The following CAB39 variants were observed in gnomAD, a reference collection of about 807,000 sequenced individuals.
CAB39 encodes calcium binding protein 39, also known as calcium-binding protein 39.
A neutral mutation model predicts 40.0 loss-of-function variants in CAB39; 8 were observed. The observed-to-expected ratio is 0.20, with a 90% confidence interval of 0.12 to 0.36. CAB39 has a LOEUF of 0.36. Among genes scored for constraint, CAB39 ranks in the 10% least tolerant of loss-of-function variants. The probability of loss-of-function intolerance (pLI) is 1.00; values close to 1 mark genes in which losing one functional copy is unlikely to be tolerated. For missense variants in CAB39, 270 were observed against 401.1 expected, an observed-to-expected ratio of 0.67 and a Z score of 2.79; for synonymous variants, 156 against 141.6, an observed-to-expected ratio of 1.10 and a Z score of -0.72.
chr2:230,807,851 T>A (rs1029509079), intron 5 of CAB39, among the ~76,000 whole-genome samples: 1 of 152,140 alleles, frequency 6.6e-6, no homozygotes, highest in Non-Finnish European at 1.5e-5. Context: ...TGCTTGGCAC[T>A]CTCTTCGTGA....
intron 1 of CAB39, among the ~76,000 whole-genome samples, chr2:230,749,112 G>A (rs1695040879): frequency 6.7e-6 from 1 of 150,108 alleles, no homozygotes; most frequent in African/African-American, 2.4e-5. Flanking sequence ...TTTAATGGGC[G>A]CTAATGTTTT....
intron 5 of CAB39, among the ~76,000 whole-genome samples, chr2:230,801,847 C>G (rs540953193): frequency 6.7e-6 from 1 of 149,698 alleles, no homozygotes; most frequent in Non-Finnish European, 1.5e-5. Flanking sequence ...CCACCCTGGG[C>G]GACGGAGTGG....
chr2:230,759,161 A>G (rs980259518), intron 1 of CAB39, among the ~76,000 whole-genome samples: 2 of 152,316 alleles, frequency 1.3e-5, no homozygotes, highest in East Asian at 1.9e-4. Context: ...ACATCTTGAC[A>G]ACTGTCACAT....
Position 230,793,291 on chromosome 2 carries a change from A to C in CAB39, c.358A>C (p.Ile120Leu). 1 of 1,606,476 alleles carries C rather than the reference A, an allele frequency of 6.2e-7. No homozygotes were observed. The highest frequency in any genetic ancestry group is 8.5e-7 in the Non-Finnish European group (1 of 1,173,790). The change falls in exon 4 of 9, where the codon ATC (isoleucine) becomes CTC (leucine). Residue 120 changes from isoleucine (I) to leucine (L), a missense_variant. Coordinates refer to ENST00000258418, the MANE Select transcript of CAB39 (RefSeq NM_016289.4). ...IGTRTPTVEY[I>L]CTQQNILFML... ...TACGAGAACTCCTACTGTTGAATAC[A>C]TCTGCACCCAACAGAATATTTTGTT... is the stretch of plus-strand genomic sequence containing the variant.
chr2:230,720,994 A>G (rs974392851), intron 1 of CAB39, among the ~76,000 whole-genome samples: 1 of 152,128 alleles, frequency 6.6e-6, no homozygotes, highest in African/African-American at 2.4e-5. Flanking sequence ...GTGTCTCTAG[A>G]TTGTAATTTA....
At chr2:230,771,632 G>T (rs1312918834) in intron 2 of CAB39, among the ~76,000 whole-genome samples, 1 of 152,204 alleles carries the variant, frequency 6.6e-6, no homozygotes, top group Non-Finnish European at 1.5e-5. Flanking sequence ...GAATGGAAGT[G>T]CAAAAGACCT....
Position 230,790,964 on chromosome 2 carries a change from A to T in CAB39, c.207A>T (p.Gln69His), listed in dbSNP as rs148964178. The stretch of plus-strand genomic sequence containing the variant: ...AGCCTCAGACAGAAGCAGTAGCTCA[A>T]CTTGCTCAAGAACTCTATAATAGTG... ...EKEPQTEAVA[Q>H]LAQELYNSGL... Residue 69 changes from glutamine (Q) to histidine (H), a missense_variant, in exon 3 of 9, where the codon CAA becomes CAT. Coordinates refer to ENST00000258418, the MANE Select transcript of CAB39 (RefSeq NM_016289.4). The T allele has an allele frequency of 1.2e-6, 2 of 1,613,144 alleles. No individual in the cohort carries two copies.
At chr2:230,818,123 T>C (rs75157278) in intron 8 of CAB39, 1 of 503,302 alleles carries the variant, frequency 2.0e-6, no homozygotes, top group African/African-American at 2.0e-5. Flanking sequence ...AAGAGTGTCA[T>C]TTATCTTTGG....
At chr2:230,803,593 G>A (rs1696132042) in intron 5 of CAB39, among the ~76,000 whole-genome samples, 1 of 152,280 alleles carries the variant, frequency 6.6e-6, no homozygotes, top group Non-Finnish European at 1.5e-5. Flanking sequence ...AAAATCACAA[G>A]CATTCTTATA....
intron 2 of CAB39, among the ~76,000 whole-genome samples, chr2:230,771,165 G>A (rs991141758): frequency 6.6e-6 from 1 of 152,132 alleles, no homozygotes. Flanking sequence ...ACAACTAGTA[G>A]ACTAGTAAAT....
intron 2 of CAB39, among the ~76,000 whole-genome samples, chr2:230,762,094 G>C (rs1271570310): frequency 6.6e-6 from 1 of 152,096 alleles, no homozygotes. Context: ...TTTTAGTAGA[G>C]ACGGGGTTTC....
intron 1 of CAB39, among the ~76,000 whole-genome samples, chr2:230,741,022 G>T (rs374227134): frequency 6.6e-6 from 1 of 152,150 alleles, no homozygotes. Flanking sequence ...GGGGAGTATG[G>T]GATCCAGTTT....
intron 5 of CAB39, among the ~76,000 whole-genome samples, chr2:230,802,697 G>C (rs1407293318): frequency 6.6e-6 from 1 of 152,130 alleles, no homozygotes; most frequent in Non-Finnish European, 1.5e-5. Context: ...ACCTTCCCAA[G>C]ACTAAACCAG....
chr2:230,813,241 C>A (rs375621809), intron 6 of CAB39, among the ~76,000 whole-genome samples: 1 of 152,196 alleles, frequency 6.6e-6, no homozygotes. Context: ...CCCCCAAGTG[C>A]CTGTCATTTC....
chr2:230,796,703 A>G (rs1478941491), intron 4 of CAB39, among the ~76,000 whole-genome samples: 1 of 152,030 alleles, frequency 6.6e-6, no homozygotes, highest in African/African-American at 2.4e-5. Context: ...CTAGATAACA[A>G]ATGAGTACTA....
At chr2:230,746,261 G>C (rs1166218422) in intron 1 of CAB39, among the ~76,000 whole-genome samples, 1 of 152,176 alleles carries the variant, frequency 6.6e-6, no homozygotes, top group Non-Finnish European at 1.5e-5. Flanking sequence ...AGATATACAG[G>C]AATTAGTTAC....
chr2:230,807,995 A>C (rs1696232162), intron 5 of CAB39, among the ~76,000 whole-genome samples: 1 of 152,126 alleles, frequency 6.6e-6, no homozygotes, highest in Non-Finnish European at 1.5e-5. Context: ...TCCTAAGTTA[A>C]CATATTCATT....
chr2:230,752,067 G>A (rs1227100543), intron 1 of CAB39: 1 of 103,954 alleles, frequency 9.6e-6, no homozygotes, highest in Non-Finnish European at 1.8e-5. Context: ...CAACCTCAAA[G>A]GATATAGAAA....
chr2:230,808,345 A>G (rs1033388632), intron 5 of CAB39, among the ~76,000 whole-genome samples: 3 of 152,086 alleles, frequency 2.0e-5, no homozygotes, highest in Non-Finnish European at 2.9e-5. Context: ...GCCAGGCACT[A>G]TTCTTTAGGG....
Sources: gnomAD v4.1 joint callset for allele counts (sites outside exome capture counted in the v4.1 genomes callset) on GRCh38, gnomAD v4.1.1 for gene constraint, MANE v1.5 for transcripts, NCBI Gene and HGNC (gene_info 2026-07-23, HGNC 2026-07-21) for gene names.